COMMD10: variants seen among roughly 807,000 people sequenced by gnomAD.
COMMD10 encodes COMM domain-containing protein 10.
In COMMD10, 33 loss-of-function variants were observed where a neutral mutation model predicts 28.9. The ratio of observed to expected loss-of-function variants is 1.14; its 90% confidence interval spans 0.87 to 1.53. The LOEUF (loss-of-function observed/expected upper bound fraction) is 1.53. Among genes scored for constraint, COMMD10 ranks in the 40% most tolerant of loss-of-function variants. The probability of loss-of-function intolerance (pLI) is 0.00; values close to 1 mark genes in which losing one functional copy is unlikely to be tolerated. For missense variants in COMMD10, 310 were observed against 233.4 expected (o/e 1.33, Z -2.14); for synonymous variants, 110 against 81.7 (o/e 1.35, Z -1.87).
At chr5:116,283,834 C>T (rs981526919) in intron 5 of COMMD10, among the ~76,000 whole-genome samples, 3 of 151,724 alleles carry the variant, frequency 2.0e-5, no homozygotes, top group Non-Finnish European at 4.4e-5. Flanking sequence ...ATTCCTGTTA[C>T]AATTATCAGC....
chr5:116,202,800 G>T (rs184701764), intron 5 of COMMD10, among the ~76,000 whole-genome samples: 8,076 of 151,528 alleles, frequency 0.053, 306 homozygotes, highest in African/African-American at 0.11. Flanking sequence ...TTTGTCAGAT[G>T]AGTAGGTTGC....
rs1296041017 is a variant in COMMD10 at position 116,092,692 on chromosome 5, C to T, written c.391C>T (p.Pro131Ser). The T allele has an allele frequency of 6.2e-7, 1 of 1,603,766 alleles. No individual in the cohort carries two copies. The part of the protein sequence containing the change: ...VEKFRQRILA[P>S]CKLETVGWQL... ...AAAGTTCCGGCAGAGAATTCTGGCT[C>T]CCTGTAAGGTATAGAACATACTGTC... Residue 131 changes from proline to serine, a missense_variant, in exon 4 of 7, where the codon CCC becomes TCC. Coordinates refer to ENST00000274458, the MANE Select transcript of COMMD10 (RefSeq NM_016144.4).
intron 5 of COMMD10, among the ~76,000 whole-genome samples, chr5:116,155,560 T>G (rs1377255802): frequency 7.9e-5 from 12 of 152,070 alleles, no homozygotes; most frequent in Non-Finnish European, 1.3e-4. Flanking sequence ...TGTATTCTGG[T>G]AAGAAAAAGA....
intron 5 of COMMD10, among the ~76,000 whole-genome samples, chr5:116,223,511 A>G (rs1749317753): frequency 1.3e-5 from 2 of 152,172 alleles, no homozygotes; most frequent in African/African-American, 2.4e-5. Flanking sequence ...TAAATTTCTA[A>G]TTAGAAATTT....
chr5:116,234,763 T>A (rs375760813), intron 5 of COMMD10, among the ~76,000 whole-genome samples: 3 of 152,194 alleles, frequency 2.0e-5, no homozygotes, highest in Non-Finnish European at 4.4e-5. Context: ...ATTTCACTTA[T>A]AAGGGTAAAG....
chr5:116,138,723 C>G (rs1752108121), intron 5 of COMMD10, among the ~76,000 whole-genome samples: 1 of 151,476 alleles, frequency 6.6e-6, no homozygotes, highest in African/African-American at 2.4e-5. Flanking sequence ...GCAGAAAGTA[C>G]TTTATGTAGA....
intron 5 of COMMD10, among the ~76,000 whole-genome samples, chr5:116,286,808 G>T (rs1002455117): frequency 6.6e-6 from 1 of 151,852 alleles, no homozygotes; most frequent in South Asian, 2.1e-4. Context: ...TGTTCCATGG[G>T]TACTCAACAA....
intron 5 of COMMD10, among the ~76,000 whole-genome samples, chr5:116,272,138 C>T (rs1022431560): frequency 2.6e-5 from 4 of 151,758 alleles, no homozygotes; most frequent in African/African-American, 9.7e-5. Context: ...CTTTTCTAAG[C>T]GATAATACCA....
chr5:116,214,361 G>C (rs1183391450), intron 5 of COMMD10, among the ~76,000 whole-genome samples: 1 of 152,020 alleles, frequency 6.6e-6, no homozygotes, highest in Non-Finnish European at 1.5e-5. Context: ...TTGCTAATGT[G>C]GAAATTAAAT....
intron 5 of COMMD10, among the ~76,000 whole-genome samples, chr5:116,153,937 G>A (rs997852425): frequency 1.3e-5 from 2 of 152,026 alleles, no homozygotes; most frequent in African/African-American, 4.8e-5. Context: ...GGAGCACTTA[G>A]AATACTAGAG....
intron 5 of COMMD10, among the ~76,000 whole-genome samples, chr5:116,237,116 A>C (rs1035958956): frequency 6.6e-6 from 1 of 152,116 alleles, no homozygotes; most frequent in Non-Finnish European, 1.5e-5. Context: ...GAAGAATGTT[A>C]CGGGCAGAGG....
intron 5 of COMMD10, among the ~76,000 whole-genome samples, chr5:116,268,477 A>T (rs1352415120): frequency 1.3e-5 from 2 of 151,942 alleles, no homozygotes; most frequent in Non-Finnish European, 2.9e-5. Context: ...ATGTGGAGAA[A>T]TAGGAACACT....
chr5:116,191,347 G>A (rs1275811669), intron 5 of COMMD10, among the ~76,000 whole-genome samples: 2 of 152,028 alleles, frequency 1.3e-5, no homozygotes, highest in African/African-American at 4.8e-5. Context: ...ACAGGTGGGG[G>A]AAGAATGAAG....
intron 5 of COMMD10, among the ~76,000 whole-genome samples, chr5:116,189,195 A>G (rs1748259267): frequency 6.6e-6 from 1 of 152,134 alleles, no homozygotes; most frequent in Non-Finnish European, 1.5e-5. Flanking sequence ...GTTTCCATCA[A>G]CTAGTTGGAA....
intron 5 of COMMD10, among the ~76,000 whole-genome samples, chr5:116,268,617 A>T (rs980124645): frequency 2.0e-5 from 3 of 151,934 alleles, no homozygotes; most frequent in Non-Finnish European, 4.4e-5. Flanking sequence ...ACCCAAAGGA[A>T]TATAAATCAT....
intron 5 of COMMD10, among the ~76,000 whole-genome samples, chr5:116,146,504 G>T (rs896015210): frequency 6.6e-6 from 1 of 151,836 alleles, no homozygotes; most frequent in Admixed American, 6.6e-5. Context: ...TCAAGACAGA[G>T]TAAAGATGTC....
chr5:116,204,594 C>T (rs912452393), intron 5 of COMMD10, among the ~76,000 whole-genome samples: 2 of 152,156 alleles, frequency 1.3e-5, no homozygotes, highest in Non-Finnish European at 2.9e-5. Context: ...CAGCAGCAAT[C>T]TGCCTTTCCC....
chr5:116,259,076 T>A (rs1750368734), intron 5 of COMMD10, among the ~76,000 whole-genome samples: 1 of 149,516 alleles, frequency 6.7e-6, no homozygotes, highest in African/African-American at 2.5e-5. Context: ...TTTTTTTTTT[T>A]TTTTTCCTGA....
intron 4 of COMMD10, among the ~76,000 whole-genome samples, chr5:116,122,053 T>C (rs1361130208): frequency 6.6e-6 from 1 of 152,232 alleles, no homozygotes; most frequent in African/African-American, 2.4e-5. Flanking sequence ...ATGAAGTCCT[T>C]GCCCATGCCT....
Sources: gnomAD v4.1 joint callset for allele counts (sites outside exome capture counted in the v4.1 genomes callset) on GRCh38, gnomAD v4.1.1 for gene constraint, MANE v1.5 for transcripts, NCBI Gene and HGNC (gene_info 2026-07-23, HGNC 2026-07-21) for gene names.